Variants in PRKG1 observed in about 807,000 individuals in gnomAD.
PRKG1 encodes the protein protein kinase cGMP-dependent 1.
Under a neutral mutation model 88.1 loss-of-function variants are expected in PRKG1, and 35 were observed. That is an observed-to-expected ratio of 0.40 (90% CI 0.30 to 0.53). The LOEUF (loss-of-function observed/expected upper bound fraction) is 0.53, where lower values mean the gene tolerates loss of function less well. Among genes scored for constraint, PRKG1 ranks in the 20% least tolerant of loss-of-function variants. PRKG1 has a pLI of 0.59. For synonymous variants in PRKG1, 303 were observed against 292.5 expected (o/e 1.04, Z -0.37); for missense variants, 540 against 839.8 (o/e 0.64, Z 4.41).
chr10:51,115,708 G>A lies in PRKG1; in HGVS notation c.312-37456G>A, dbSNP rs368354353. On this transcript the variant is annotated intron_variant, in intron 1 of 17. Transcript: ENST00000373980. The stretch of plus-strand genomic sequence containing the variant: ...CAAAAATTAGCCAGCGTGGTGACGC[G>A]CACCTGTAGTCCCAGCTATTCGGGA... Among the ~76,000 whole-genome samples the A allele has an allele frequency of 1.1e-4, 17 of 151,586 alleles. No individual in the cohort carries two copies. The South Asian group carries it at 1.7e-3, about 15-fold the overall frequency.
At chr10:51,677,446 T>C (rs551057751) in intron 3 of PRKG1, among the ~76,000 whole-genome samples, 1 of 152,306 alleles carries the variant, frequency 6.6e-6, no homozygotes, top group Admixed American at 6.5e-5. Flanking sequence ...ATTTTACAAA[T>C]GCAAAGTGTG....
At chr10:51,415,153 A>G (rs77165700) in intron 2 of PRKG1, among the ~76,000 whole-genome samples, 3,082 of 152,314 alleles carry the variant, frequency 0.02, 71 homozygotes, top group Middle Eastern at 0.058. Context: ...CTCAGAGCCT[A>G]TGTCCTTGTC....
At chr10:51,492,090 C>T (rs529947807) in intron 3 of PRKG1, among the ~76,000 whole-genome samples, 23 of 152,050 alleles carry the variant, frequency 1.5e-4, no homozygotes, top group Non-Finnish European at 2.6e-4. Flanking sequence ...TCTCTGTCCT[C>T]GTTTTGCTCA....
At chr10:51,235,342 G>A (rs1285812093) in intron 2 of PRKG1, among the ~76,000 whole-genome samples, 1 of 152,148 alleles carries the variant, frequency 6.6e-6, no homozygotes, top group Non-Finnish European at 1.5e-5. Flanking sequence ...AATATTTATA[G>A]AGCCCCGTTA....
At chr10:51,159,440 T>G (rs1846306741) in intron 2 of PRKG1, among the ~76,000 whole-genome samples, 1 of 152,150 alleles carries the variant, frequency 6.6e-6, no homozygotes, top group Non-Finnish European at 1.5e-5. Context: ...GTACTTAAAG[T>G]TATACTTGCA....
chr10:51,793,718 G>A (rs1838932400), intron 3 of PRKG1, among the ~76,000 whole-genome samples: 1 of 152,002 alleles, frequency 6.6e-6, no homozygotes, highest in African/African-American at 2.4e-5. Context: ...GGAGAGAGTG[G>A]GATCATACAT....
intron 3 of PRKG1, among the ~76,000 whole-genome samples, chr10:51,577,852 G>A (rs1486878440): frequency 6.6e-6 from 1 of 151,890 alleles, no homozygotes; most frequent in Non-Finnish European, 1.5e-5. Flanking sequence ...CCTCTTCTGT[G>A]GTATTTCCGT....
intron 4 of PRKG1, among the ~76,000 whole-genome samples, chr10:51,884,324 A>G (rs921348955): frequency 1.6e-4 from 23 of 147,264 alleles, no homozygotes; most frequent in Non-Finnish European, 3.1e-4. Context: ...GCGCGCCTGT[A>G]GTCCCAGCTA....
chr10:51,501,131 T>A (rs1326518791), intron 3 of PRKG1, among the ~76,000 whole-genome samples: 1 of 152,164 alleles, frequency 6.6e-6, no homozygotes, highest in African/African-American at 2.4e-5. Context: ...CGCAGTATCC[T>A]TCCAACAAAT....
At chr10:52,279,482 T>G (rs967759070) in intron 12 of PRKG1, among the ~76,000 whole-genome samples, 2 of 152,186 alleles carry the variant, frequency 1.3e-5, no homozygotes, top group Non-Finnish European at 2.9e-5. Context: ...GTTATTTCAG[T>G]GAAAACTCAA....
intron 1 of PRKG1, among the ~76,000 whole-genome samples, chr10:51,052,933 A>G (rs1270820265): frequency 2.0e-5 from 3 of 152,210 alleles, no homozygotes; most frequent in Non-Finnish European, 4.4e-5. Context: ...TAAAATGTAG[A>G]TTTAAAAAAG....
At chr10:51,175,862 A>G (rs1200453903) in intron 2 of PRKG1, among the ~76,000 whole-genome samples, 1 of 152,136 alleles carries the variant, frequency 6.6e-6, no homozygotes, top group Non-Finnish European at 1.5e-5. Flanking sequence ...TTTCTGAATG[A>G]TTAATTGCAT....
rs544328223 is a variant in PRKG1, at chr10:51,273,912, G to A, written c.478+120582G>A. ...TGAGTAGACAGCATGAGGCGCCTGC[G>A]CAGGTTAGATCTACGTTAAATCCCA... On this transcript the variant is annotated intron_variant, in intron 2 of 17. Coordinates refer to ENST00000373980, the MANE Select transcript of PRKG1 (RefSeq NM_006258.4). Among the ~76,000 whole-genome samples, 7 of 152,326 alleles carry A rather than the reference G, an allele frequency of 4.6e-5. No individual in the cohort carries two copies. In the South Asian group the frequency reaches 8.3e-4, roughly 18 times the overall value.
At chr10:51,818,923 C>T (rs1212475728) in intron 4 of PRKG1, among the ~76,000 whole-genome samples, 1 of 110,466 alleles carries the variant, frequency 9.1e-6, no homozygotes, top group Non-Finnish European at 1.7e-5. Flanking sequence ...AGGAGAATGG[C>T]GTGAACCCGG....
intron 3 of PRKG1, among the ~76,000 whole-genome samples, chr10:51,705,601 T>A (rs1841585959): frequency 6.6e-6 from 1 of 152,226 alleles, no homozygotes; most frequent in Non-Finnish European, 1.5e-5. Context: ...ATACAGATGC[T>A]TTATAAAGGC....
intron 9 of PRKG1, among the ~76,000 whole-genome samples, chr10:52,247,848 C>T (rs1041570350): frequency 6.6e-5 from 10 of 152,242 alleles, no homozygotes; most frequent in African/African-American, 1.9e-4. Context: ...GAATTAAAGA[C>T]GCACACACAG....
At chr10:51,573,386 T>C (rs1837805814) in intron 3 of PRKG1, among the ~76,000 whole-genome samples, 2 of 151,950 alleles carry the variant, frequency 1.3e-5, no homozygotes, top group African/African-American at 4.8e-5. Context: ...ATTACTATTA[T>C]TGAACTCTGA....
chr10:52,138,278 T>C (rs1837481977), intron 8 of PRKG1, among the ~76,000 whole-genome samples: 1 of 152,116 alleles, frequency 6.6e-6, no homozygotes, highest in South Asian at 2.1e-4. Flanking sequence ...GGGACTATTG[T>C]CCATTTTTGT....
In PRKG1 at chr10:51,517,357, G is replaced by T. The variant is rs545016635; in HGVS notation, c.592+49521G>T. On this transcript the variant is annotated intron_variant, in intron 3 of 17. Coordinates refer to ENST00000373980, the MANE Select transcript of PRKG1 (RefSeq NM_006258.4). ...GAGATAAGTGTTTCTCTTTCTTCTGGGTATGGGAAAGGAACCTCTAGGGTA... is the reference window on the plus strand; with the variant it reads ...GAGATAAGTGTTTCTCTTTCTTCTGTGTATGGGAAAGGAACCTCTAGGGTA... 4.1e-4 allele frequency among the ~76,000 whole-genome samples: 62 copies of T among 152,290 alleles called. No individual in the cohort carries two copies. In the South Asian group the frequency reaches 4.6e-3, roughly 11 times the overall value.
Sources: gnomAD v4.1 joint callset for allele counts (sites outside exome capture counted in the v4.1 genomes callset) on GRCh38, gnomAD v4.1.1 for gene constraint, MANE v1.5 for transcripts, NCBI Gene and HGNC (gene_info 2026-07-23, HGNC 2026-07-21) for gene names.